The following ARHGAP26 variants were observed in gnomAD, a reference collection of about 807,000 sequenced individuals.
The protein encoded by ARHGAP26 is rho GTPase-activating protein 26.
A neutral mutation model predicts 104.8 loss-of-function variants in ARHGAP26; 38 were observed. The ratio of observed to expected loss-of-function variants is 0.36; its 90% CI spans 0.28 to 0.48. ARHGAP26 has a LOEUF of 0.48. Among genes scored for constraint, ARHGAP26 ranks in the 20% least tolerant of loss-of-function variants. The probability of loss-of-function intolerance (pLI) is 0.99; values close to 1 mark genes in which losing one functional copy is unlikely to be tolerated. For synonymous variants in ARHGAP26, 341 were observed against 340.0 expected (o/e 1.00, Z -0.03); for missense variants, 704 against 947.9 (o/e 0.74, Z 3.38).
chr5:143,178,599 C>T (rs1035111219), intron 20 of ARHGAP26, among the ~76,000 whole-genome samples: 1 of 152,208 alleles, frequency 6.6e-6, no homozygotes, highest in African/African-American at 2.4e-5. Context: ...CTATTCAGCG[C>T]TACTACAATA....
At chr5:142,895,822 A>G (rs909674034) in intron 6 of ARHGAP26, among the ~76,000 whole-genome samples, 4 of 152,184 alleles carry the variant, frequency 2.6e-5, no homozygotes, top group Non-Finnish European at 5.9e-5. Flanking sequence ...GTGAGACTCC[A>G]TCTCTTAAAA....
chr5:143,187,011 A>G (rs1805249107), intron 20 of ARHGAP26, among the ~76,000 whole-genome samples: 1 of 152,222 alleles, frequency 6.6e-6, no homozygotes, highest in Non-Finnish European at 1.5e-5. Flanking sequence ...CAAGCCAAGC[A>G]TATTCTAATT....
intron 17 of ARHGAP26, among the ~76,000 whole-genome samples, chr5:143,078,113 A>G (rs1789294320): frequency 6.6e-6 from 1 of 152,274 alleles, no homozygotes; most frequent in Non-Finnish European, 1.5e-5. Context: ...CAACCAAGAA[A>G]GAAAAACCTT....
chr5:142,912,121 A>C (rs1761914578), intron 9 of ARHGAP26, among the ~76,000 whole-genome samples: 1 of 152,268 alleles, frequency 6.6e-6, no homozygotes, highest in South Asian at 2.1e-4. Context: ...CCTAAGTGAC[A>C]GTAAGAAGAA....
intron 1 of ARHGAP26, among the ~76,000 whole-genome samples, chr5:142,854,320 A>G (rs937195623): frequency 6.6e-6 from 1 of 152,228 alleles, no homozygotes; most frequent in Middle Eastern, 3.4e-3. Flanking sequence ...CCTCTCCACC[A>G]TATTCTTTTC....
chr5:143,028,122 T>C (rs887400158), intron 12 of ARHGAP26, among the ~76,000 whole-genome samples: 1 of 152,128 alleles, frequency 6.6e-6, no homozygotes, highest in Non-Finnish European at 1.5e-5. Flanking sequence ...CTTACAGAAA[T>C]TCCTTAACCT....
At position 143,223,190 on chromosome 5, in the gene ARHGAP26, AAAAAT is replaced by A. The variant is rs1282696423; in HGVS notation, c.*752_*756del. On this transcript the variant is annotated 3_prime_UTR_variant, in exon 23 of 23. Coordinates refer to ENST00000645722, the MANE Select transcript of ARHGAP26 (RefSeq NM_001135608.3). ...CCAACCTACTCTAAAACCAAACCAA[AAAAAT>A]AAAATAACACATCCTCTTTGCATGA... 1.3e-5 allele frequency: 3 copies of A among 233,320 alleles called. No individual in the cohort carries two copies. Among genetic ancestry groups the A allele is most frequent in the Admixed American group, 5.6e-5 (1 of 17,778 alleles). The allele number at this position is 233,320 out of a possible 1,614,324, so 14.5% of individuals were successfully genotyped here. A position where few individuals can be genotyped will look rare whatever the true frequency, so the allele number is the denominator to read the frequency against.
chr5:143,209,083 A>G (rs1013799029), intron 21 of ARHGAP26, among the ~76,000 whole-genome samples: 9 of 152,324 alleles, frequency 5.9e-5, no homozygotes, highest in African/African-American at 1.9e-4. Flanking sequence ...TAATTCCTTC[A>G]TTTTTATCAA....
chr5:142,815,821 G>T (rs1765011929), intron 1 of ARHGAP26, among the ~76,000 whole-genome samples: 1 of 151,954 alleles, frequency 6.6e-6, no homozygotes, highest in African/African-American at 2.4e-5. Flanking sequence ...TTGAGACCAG[G>T]TCTCACTCTA....
Position 142,949,232 on chromosome 5 carries a change from G to GAGAGAGAGAGAGGA in ARHGAP26, c.1107+17107_1107+17108insAGAGAGAGAGAGGA, listed in dbSNP as rs11369150. 1.1e-4 allele frequency among the ~76,000 whole-genome samples: 3 copies of GAGAGAGAGAGAGGA among 27,324 alleles called. 1 individual carries two copies. Among genetic ancestry groups the GAGAGAGAGAGAGGA allele is most frequent in the African/African-American group, 9.2e-4 (3 of 3,260 alleles). The allele number at this position is 27,324 out of a possible 152,430, so 17.9% of individuals were successfully genotyped here. A position where few individuals can be genotyped will look rare whatever the true frequency, so the allele number is the denominator to read the frequency against. ...GAGAGAGAGAGAGAGGAGAGAGAGA[G>GAGAGAGAGAGAGGA]GAGAGAGAGAGAGAGAGAGAGAGAG... On this transcript the variant is annotated intron_variant, in intron 11 of 22. Coordinates refer to ENST00000645722, the MANE Select transcript of ARHGAP26 (RefSeq NM_001135608.3).
chr5:142,881,059 G>A (rs1432573127), intron 4 of ARHGAP26, among the ~76,000 whole-genome samples: 1 of 152,234 alleles, frequency 6.6e-6, no homozygotes, highest in Non-Finnish European at 1.5e-5. Context: ...AACCAGTCCA[G>A]TGATGGCAGT....
intron 17 of ARHGAP26, among the ~76,000 whole-genome samples, chr5:143,084,349 C>T (rs1015274447): frequency 2.6e-5 from 4 of 152,236 alleles, no homozygotes; most frequent in East Asian, 1.9e-4. Flanking sequence ...AGATTCTCAT[C>T]ACTCTGTGCT....
intron 1 of ARHGAP26, among the ~76,000 whole-genome samples, chr5:142,863,339 C>T (rs919671558): frequency 2.6e-5 from 4 of 152,156 alleles, no homozygotes; most frequent in African/African-American, 7.2e-5. Context: ...GAACTCCTGA[C>T]CTCGTGATCC....
chr5:142,869,914 T>C (rs902046106), intron 1 of ARHGAP26, among the ~76,000 whole-genome samples: 1 of 152,172 alleles, frequency 6.6e-6, no homozygotes, highest in African/African-American at 2.4e-5. Context: ...CCCAAACTTC[T>C]AGCTGCTTCC....
At chr5:143,046,832 A>G (rs1362353787) in intron 14 of ARHGAP26, among the ~76,000 whole-genome samples, 4 of 152,228 alleles carry the variant, frequency 2.6e-5, no homozygotes, top group Admixed American at 2.0e-4. Context: ...CATTGTGAAA[A>G]TTTGGAGGAA....
At chr5:142,926,182 G>A (rs1164270352) in intron 10 of ARHGAP26, among the ~76,000 whole-genome samples, 3 of 152,242 alleles carry the variant, frequency 2.0e-5, no homozygotes, top group South Asian at 4.2e-4. Flanking sequence ...GCTTTCCATG[G>A]GCTGTTTTTA....
intron 18 of ARHGAP26, among the ~76,000 whole-genome samples, chr5:143,132,123 T>C (rs1244790731): frequency 6.6e-6 from 1 of 152,044 alleles, no homozygotes; most frequent in African/African-American, 2.4e-5. Context: ...TTCAGTCCTC[T>C]AGGGAAGATA....
At chr5:143,004,017 C>CAAAAAAAAAA (rs144058530) in intron 11 of ARHGAP26, among the ~76,000 whole-genome samples, 1 of 118,176 alleles carries the variant, frequency 8.5e-6, no homozygotes, top group African/African-American at 3.7e-5. Context: ...AATTTATAGA[C>CAAAAAAAAAA]AAAAAAAAAA....
rs1554184052 is a variant in ARHGAP26 at position 142,980,387 on chromosome 5, T to TTTTATTTTAG, written c.1108-33684_1108-33683insGTTTATTTTA. On this transcript the variant is annotated intron_variant, in intron 11 of 22. Coordinates refer to ENST00000645722, the MANE Select transcript of ARHGAP26 (RefSeq NM_001135608.3). ...TTTTATTTTATTTTATTTTATTTTA[T>TTTTATTTTAG]TTTATTTTATTTTATTTTTGAGATG... 2.0e-5 allele frequency among the ~76,000 whole-genome samples: 3 copies of TTTTATTTTAG among 150,788 alleles called. No individual in the cohort carries two copies. The East Asian group carries it at 5.8e-4, about 29-fold the overall frequency.
Sources: gnomAD v4.1 joint callset for allele counts (sites outside exome capture counted in the v4.1 genomes callset) on GRCh38, gnomAD v4.1.1 for gene constraint, MANE v1.5 for transcripts, NCBI Gene and HGNC (gene_info 2026-07-23, HGNC 2026-07-21) for gene names.